The following AP2A2 variants were observed in gnomAD, a reference collection of about 807,000 sequenced individuals.
AP2A2 encodes the protein adaptor related protein complex 2 subunit alpha 2, also known as AP-2 complex subunit alpha-2.
AP2A2 carries 32 observed loss-of-function variants against 104.2 expected under a neutral mutation model. The observed-to-expected ratio is 0.31, with a 90% CI of 0.23 to 0.41. AP2A2 has a LOEUF of 0.41. Among genes scored for constraint, AP2A2 ranks in the 10% least tolerant of loss-of-function variants. AP2A2 has a pLI of 1.00. For synonymous variants in AP2A2, 539 were observed against 533.3 expected (o/e 1.01, Z -0.15); for missense variants, 912 against 1,261.0 (o/e 0.72, Z 4.19).
chr11:926,474 G>A (rs1331329488), intron 1 of AP2A2, among the ~76,000 whole-genome samples: 1 of 152,032 alleles, frequency 6.6e-6, no homozygotes, highest in Non-Finnish European at 1.5e-5. Flanking sequence ...TTGCTGGTCC[G>A]TGCGGGGGGC....
chr11:932,891 A>G, intron 1 of AP2A2: 1 of 373,078 alleles, frequency 2.7e-6, no homozygotes, highest in Non-Finnish European at 5.3e-6. Flanking sequence ...TACTTTTGGT[A>G]ACAATCTGTG....
chr11:979,565 G>A (rs561684990), intron 5 of AP2A2, among the ~76,000 whole-genome samples: 3 of 152,250 alleles, frequency 2.0e-5, no homozygotes, highest in Admixed American at 2.0e-4. Flanking sequence ...AGTCATTCAA[G>A]TAGACATTTC....
intron 2 of AP2A2, among the ~76,000 whole-genome samples, chr11:961,987 T>C (rs1455050697): frequency 2.0e-3 from 174 of 88,238 alleles, no homozygotes; most frequent in African/African-American, 2.2e-3. Flanking sequence ...TCGCCACCAC[T>C]AGTGAAAAGT....
intron 5 of AP2A2, among the ~76,000 whole-genome samples, chr11:980,880 A>C (rs1223920019): frequency 6.6e-6 from 1 of 152,222 alleles, no homozygotes; most frequent in African/African-American, 2.4e-5. Flanking sequence ...AGGCCAGGAG[A>C]GGGCAGCAGG....
rs888919688 is a variant in AP2A2, at chr11:984,286, A to C, written c.706-359A>C. Reference sequence around the variant, plus strand: ...TGTGGGGTTGTGGGGTAGGGTCAGAATGCCGGCTTCTGGGGGTGGGGGTGC... The same window carrying C: ...TGTGGGGTTGTGGGGTAGGGTCAGACTGCCGGCTTCTGGGGGTGGGGGTGC... On this transcript the variant is annotated intron_variant, in intron 6 of 21. Coordinates refer to ENST00000448903, the MANE Select transcript of AP2A2 (RefSeq NM_012305.4). Among the ~76,000 whole-genome samples, 84 of 151,936 alleles carry C rather than the reference A, an allele frequency of 5.5e-4. 4 individuals are homozygous for C. Among genetic ancestry groups the C allele is most frequent in the Non-Finnish European group, 7.4e-5 (5 of 67,984 alleles).
At chr11:1,010,175 G>A (rs1856372526) in intron 21 of AP2A2, 3 of 472,486 alleles carry the variant, frequency 6.3e-6, no homozygotes, top group Admixed American at 3.5e-5. Flanking sequence ...CTCTGTCACC[G>A]CGTTGTTCCT....
At chr11:985,035 G>A (rs1855404828) in intron 7 of AP2A2, among the ~76,000 whole-genome samples, 1 of 152,236 alleles carries the variant, frequency 6.6e-6, no homozygotes, top group Non-Finnish European at 1.5e-5. Flanking sequence ...CCAGGCTGGA[G>A]TGCAGTGACG....
chr11:975,976 C>A (rs919410091), intron 4 of AP2A2, among the ~76,000 whole-genome samples: 1 of 152,168 alleles, frequency 6.6e-6, no homozygotes, highest in South Asian at 2.1e-4. Context: ...GCATGCTGGG[C>A]GCCCTCGTGT....
chr11:1,010,977 C>T lies in AP2A2; in HGVS notation c.*352C>T. On this transcript the variant is annotated 3_prime_UTR_variant, in exon 22 of 22. Transcript: ENST00000448903. Reference sequence around the variant, plus strand: ...TCACTGAGATGGCCCGTGCTGCCGCCCACCCCGCCTCGGAGCCTCTGGGAG... The same window carrying T: ...TCACTGAGATGGCCCGTGCTGCCGCTCACCCCGCCTCGGAGCCTCTGGGAG... 1.4e-6 allele frequency: 1 copy of T among 720,342 alleles called. No homozygotes were observed. The highest frequency in any genetic ancestry group is 2.6e-6 in the Non-Finnish European group (1 of 390,170). The allele number at this position is 720,342 out of a possible 1,614,324, so 44.6% of individuals were successfully genotyped here. A position where few individuals can be genotyped will look rare whatever the true frequency, so the allele number is the denominator to read the frequency against.
intron 1 of AP2A2, among the ~76,000 whole-genome samples, chr11:944,027 C>T (rs1268618544): frequency 2.6e-5 from 4 of 151,262 alleles, no homozygotes; most frequent in Non-Finnish European, 5.9e-5. Flanking sequence ...AGAGTCCCGA[C>T]CGGAGATGCA....
chr11:970,120 C>T, intron 2 of AP2A2, 49 bp from the exon 3 acceptor site: 1 of 1,602,312 alleles, frequency 6.2e-7, no homozygotes, highest in Non-Finnish European at 8.5e-7. Flanking sequence ...TCCCCTCTCC[C>T]CTGCCTCTGC....
At position 930,755 on chromosome 11, in the gene AP2A2, C is replaced by T. The variant is rs545276433; in HGVS notation, c.67+4667C>T. 9.2e-5 allele frequency among the ~76,000 whole-genome samples: 14 copies of T among 152,266 alleles called. No homozygotes were observed. In the South Asian group the frequency reaches 1.0e-3, roughly 11 times the overall value. On this transcript the variant is annotated intron_variant, in intron 1 of 21. Transcript: ENST00000448903. The stretch of plus-strand genomic sequence containing the variant: ...CAGGATGGTCTCGGTCTCCTGACCT[C>T]GTGATCCACCGGCCTCGGCCTCCCA...
Position 1,000,681 on chromosome 11 carries a change from A to G in AP2A2, c.2123+83A>G, listed in dbSNP as rs554772479. 5.0e-6 allele frequency: 7 copies of G among 1,402,580 alleles called. No individual in the cohort carries two copies. The South Asian group carries it at 6.9e-5, about 14-fold the overall frequency. The allele number at this position is 1,402,580 out of a possible 1,614,324, so 86.9% of individuals were successfully genotyped here. A position where few individuals can be genotyped will look rare whatever the true frequency, so the allele number is the denominator to read the frequency against. Reference sequence around the variant, plus strand: ...CTGGTGTGGCCGCGGCCAGCTGGACAGAGGTGGGCAGCGGAGTTTACCTCC... The same window carrying G: ...CTGGTGTGGCCGCGGCCAGCTGGACGGAGGTGGGCAGCGGAGTTTACCTCC... On this transcript the variant is annotated intron_variant, in intron 15 of 21. Coordinates refer to ENST00000448903, the MANE Select transcript of AP2A2 (RefSeq NM_012305.4).
At chr11:935,841 G>T (rs530860870) in intron 1 of AP2A2, among the ~76,000 whole-genome samples, 1 of 149,888 alleles carries the variant, frequency 6.7e-6, no homozygotes, top group Non-Finnish European at 1.5e-5. Flanking sequence ...TGATCCACCC[G>T]CCTTGGCCTC....
At chr11:963,447 A>G (rs1854507276) in intron 2 of AP2A2, among the ~76,000 whole-genome samples, 1 of 152,072 alleles carries the variant, frequency 6.6e-6, no homozygotes, top group Non-Finnish European at 1.5e-5. Flanking sequence ...CTAAAAAAAA[A>G]ACAAGGTACC....
chr11:974,466 A>C (rs1854948266), intron 4 of AP2A2, among the ~76,000 whole-genome samples: 1 of 152,152 alleles, frequency 6.6e-6, no homozygotes, highest in African/African-American at 2.4e-5. Flanking sequence ...GGCGGGCCTG[A>C]GGTCAGGAGT....
rs1016694991 is a variant in AP2A2 at position 972,132 on chromosome 11, A to G, written c.350A>G (p.Lys117Arg). Residue 117 changes from lysine to arginine, a missense_variant, in exon 4 of 22, where the codon AAG (lysine) becomes AGG (arginine). This residue lies in a region of AP2A2 where 350 missense variants were observed against 487.0 expected (regional missense o/e 0.72). Transcript: ENST00000448903. ...ELIRLINNAIKNDLASRNPTF... is the reference protein window; with the variant it reads ...ELIRLINNAIRNDLASRNPTF... ...ATCCGCCTGATCAACAACGCCATCA[A>G]GAATGACCTGGCCAGCCGCAACCCC... The G allele has an allele frequency of 2.5e-6, 4 of 1,613,760 alleles. No individual in the cohort carries two copies. The highest frequency in any genetic ancestry group is 2.2e-5 in the South Asian group (2 of 91,060).
In AP2A2 at chr11:935,860, C is replaced by T. The variant is rs550890900; in HGVS notation, c.67+9772C>T. Among the ~76,000 whole-genome samples the T allele has an allele frequency of 2.0e-5, 3 of 149,690 alleles. No individual in the cohort carries two copies. In the East Asian group the frequency reaches 6.0e-4, roughly 30 times the overall value. On this transcript the variant is annotated intron_variant, in intron 1 of 21. Coordinates refer to ENST00000448903, the MANE Select transcript of AP2A2 (RefSeq NM_012305.4). ...CCACCCGCCTTGGCCTCCCAAAGTGCTGGGAATTACAGGCGTGAGCCACTG... is the reference window on the plus strand; with the variant it reads ...CCACCCGCCTTGGCCTCCCAAAGTGTTGGGAATTACAGGCGTGAGCCACTG...
At chr11:989,809 G>T (rs1855585995) in intron 10 of AP2A2, among the ~76,000 whole-genome samples, 1 of 152,224 alleles carries the variant, frequency 6.6e-6, no homozygotes, top group Admixed American at 6.5e-5. Context: ...TTAAGGGGGA[G>T]GCCCGGTGTC....
Sources: gnomAD v4.1 joint callset for allele counts (sites outside exome capture counted in the v4.1 genomes callset) on GRCh38, gnomAD v4.1.1 for gene constraint, gnomAD v4.1.1 regional missense constraint, MANE v1.5 for transcripts, NCBI Gene and HGNC (gene_info 2026-07-23, HGNC 2026-07-21) for gene names.